The following PSMD8 variants were observed in gnomAD, a reference collection of about 807,000 sequenced individuals.
PSMD8 encodes the protein 26S proteasome non-ATPase regulatory subunit 8.
PSMD8 carries 30 observed loss-of-function variants against 40.0 expected under a neutral mutation model. The ratio of observed to expected loss-of-function variants is 0.75; its 90% confidence interval spans 0.56 to 1.02. The LOEUF is 1.02. PSMD8 is among the 50% of genes least tolerant of loss of function. The pLI, the probability that PSMD8 is intolerant of heterozygous loss-of-function variation, is 0.00. For missense variants in PSMD8, 461 were observed against 463.9 expected (o/e 0.99, Z 0.06); for synonymous variants, 208 against 192.5 (o/e 1.08, Z -0.67).
intron 4 of PSMD8, among the ~76,000 whole-genome samples, chr19:38,379,798 G>T (rs967064195): frequency 6.6e-6 from 1 of 152,210 alleles, no homozygotes; most frequent in Non-Finnish European, 1.5e-5. Context: ...AGGTGAAATT[G>T]GAGAAAGACT....
At position 38,383,601 on chromosome 19, in the gene PSMD8, T is replaced by A; in HGVS notation, c.*211T>A. On this transcript the variant is annotated 3_prime_UTR_variant, in exon 7 of 7. Coordinates refer to ENST00000215071, the MANE Select transcript of PSMD8 (RefSeq NM_002812.5). Reference sequence around the variant, plus strand: ...TAGCCTCCAACTGGGTCAGCCTCTGTCTGGTGGGCATTGCTCAGGGTCTCA... The same window carrying A: ...TAGCCTCCAACTGGGTCAGCCTCTGACTGGTGGGCATTGCTCAGGGTCTCA... The A allele has an allele frequency of 1.5e-6, 1 of 650,670 alleles. No homozygotes were observed. Among genetic ancestry groups the A allele is most frequent in the Non-Finnish European group, 2.6e-6 (1 of 390,472 alleles). The allele number at this position is 650,670 out of a possible 1,614,324, so 40.3% of individuals were successfully genotyped here.
intron 3 of PSMD8, 102 bp downstream of exon 3, chr19:38,376,556 C>A: frequency 1.9e-6 from 2 of 1,059,298 alleles, no homozygotes; most frequent in Non-Finnish European, 2.8e-6. Flanking sequence ...TCTGGGAACT[C>A]CTCCTGGCTT....
Position 38,374,748 on chromosome 19 carries a change from G to T in PSMD8, c.147G>T (p.Arg49=), listed in dbSNP as rs1381550002. 1 of 1,556,094 alleles carries T rather than the reference G, an allele frequency of 6.4e-7. No homozygotes were observed. The highest frequency in any genetic ancestry group is 2.4e-5 in the East Asian group (1 of 41,848). The change falls in exon 1 of 7, where the codon CGG becomes CGT. Residue 49 remains arginine, a synonymous_variant. Coordinates refer to ENST00000215071, the MANE Select transcript of PSMD8 (RefSeq NM_002812.5). ...TCCGCCGGGCAAGCGTTTGTAGGCG[G>T]CGCTGCCGTAAATCAGGCGGTCTGC... ...PHFRRASVCR[R]RCRKSGGLLA... is the part of the protein sequence containing the mutation.
intron 3 of PSMD8, among the ~76,000 whole-genome samples, chr19:38,377,477 G>A (rs1443028217): frequency 1.3e-5 from 2 of 150,746 alleles, no homozygotes; most frequent in Admixed American, 1.3e-4. Flanking sequence ...CAGGTGTTGA[G>A]TCATTGCATC....
At chr19:38,376,523 G>A in intron 3 of PSMD8, 69 bp downstream of exon 3, 1 of 1,328,206 alleles carries the variant, frequency 7.5e-7, no homozygotes, top group Admixed American at 2.0e-5. Flanking sequence ...TGGAGCTCTG[G>A]CTGCTTGGGT....
chr19:38,380,196 G>A (rs981743069), intron 4 of PSMD8, among the ~76,000 whole-genome samples: 3 of 152,182 alleles, frequency 2.0e-5, no homozygotes, highest in Non-Finnish European at 2.9e-5. Context: ...TGAGGCAGGA[G>A]AATCACTTGA....
Position 38,379,422 on chromosome 19 carries a change from C to A in PSMD8, c.702+17C>A, listed in dbSNP as rs746835546. 18 of 1,613,062 alleles carry A rather than the reference C, an allele frequency of 1.1e-5. No homozygotes were observed. The highest frequency in any genetic ancestry group is 1.5e-5 in the Non-Finnish European group (18 of 1,179,380). On this transcript the variant is annotated intron_variant, in intron 4 of 6. Transcript: ENST00000215071. The stretch of plus-strand genomic sequence containing the variant: ...CTGGAGCAAGTGAGATGGCAAGGGG[C>A]AGGGGAGGACCTGGCCAAAGTGGGT...
intron 6 of PSMD8, chr19:38,382,605 T>C: frequency 2.3e-6 from 1 of 428,056 alleles, no homozygotes; most frequent in South Asian, 4.3e-5. Flanking sequence ...GAAGGTGAAA[T>C]TGGGCTGGGT....
chr19:38,382,082 T>C, intron 5 of PSMD8, 35 bp from the exon 6 acceptor site: 4 of 1,493,516 alleles, frequency 2.7e-6, no homozygotes, highest in South Asian at 1.2e-5. Flanking sequence ...AGGTTGTTGA[T>C]GCTCAGTAAT....
At chr19:38,375,067 C>G in intron 1 of PSMD8, 106 bp downstream of exon 1, 1 of 1,481,252 alleles carries the variant, frequency 6.8e-7, no homozygotes, top group East Asian at 2.5e-5. Context: ...TCGGTGCCAG[C>G]GAGACTGAGG....
rs866084374 is a variant in PSMD8, at chr19:38,374,653, G to A, written c.52G>A (p.Ala18Thr). The A allele has an allele frequency of 7.9e-6, 12 of 1,517,158 alleles. No homozygotes were observed. The Admixed American group carries it at 1.2e-4, about 15-fold the overall frequency. 94.0% of individuals were successfully genotyped at this position (1,517,158 alleles called of 1,614,324 possible). Residue 18 changes from alanine to threonine, a missense_variant, in exon 1 of 7, where the codon GCT becomes ACT. Physicochemically the swap from Ala to Thr is moderately conservative, Grantham distance 58 (BLOSUM62 0). Coordinates refer to ENST00000215071, the MANE Select transcript of PSMD8 (RefSeq NM_002812.5). Reference protein sequence around the residue: ...PRAPPRERRRATRGGLRQVVA... With the variant: ...PRAPPRERRRTTRGGLRQVVA... ...GGCGCCACCTCGAGAGCGACGGCGG[G>A]CTACCCGGGGCGGGCTGAGGCAGGT... is the stretch of plus-strand genomic sequence containing the variant.
chr19:38,381,312 A>G (rs534246424), intron 5 of PSMD8: 6 of 234,502 alleles, frequency 2.6e-5, no homozygotes, highest in African/African-American at 1.1e-4. Flanking sequence ...ATACCCATCC[A>G]GTGAGTCATG....
At position 38,379,359 on chromosome 19, in the gene PSMD8, A is replaced by T; in HGVS notation, c.656A>T (p.Asp219Val). The T allele has an allele frequency of 1.2e-6, 2 of 1,614,040 alleles. No homozygotes were observed. Among genetic ancestry groups the T allele is most frequent in the Non-Finnish European group, 1.7e-6 (2 of 1,179,888 alleles). Reference protein sequence around the residue: ...HTELERLPAKDIQTNVYIKHP... With the variant: ...HTELERLPAKVIQTNVYIKHP... ...GAGTTGGAGCGGCTGCCTGCCAAGG[A>T]CATACAGACCAATGTCTACATCAAG... Residue 219 changes from aspartate to valine, a missense_variant, in exon 4 of 7, where the codon GAC (aspartate) becomes GTC (valine). Asp to Val is a radical substitution (Grantham distance 152). Around this residue, in one of 2 missense-constraint regions of PSMD8, gnomAD observed 236 missense variants for 321.2 expected, o/e 0.73. Transcript: ENST00000215071.
At chr19:38,376,492 G>T (rs1470086000) in intron 3 of PSMD8, 38 bp downstream of exon 3, 16 of 1,483,466 alleles carry the variant, frequency 1.1e-5, no homozygotes, top group Non-Finnish European at 1.5e-5. Context: ...GGGGGTGGTT[G>T]CATGGAAGCT....
Position 38,382,212 on chromosome 19 carries a change from C to A in PSMD8, c.899C>A (p.Thr300Lys). 6.3e-7 allele frequency: 1 copy of A among 1,591,538 alleles called. No individual in the cohort carries two copies. Among genetic ancestry groups the A allele is most frequent in the Non-Finnish European group, 8.6e-7 (1 of 1,169,472 alleles). Residue 300 changes from threonine to lysine, a missense_variant, in exon 6 of 7, where the codon ACA becomes AAA. Thr to Lys is a moderately conservative substitution (Grantham distance 78). Around this residue, in one of 2 missense-constraint regions of PSMD8, gnomAD observed 236 missense variants for 321.2 expected, o/e 0.73. Transcript: ENST00000215071. The part of the protein sequence containing the change: ...ILFFNTPKKM[T>K]DYAKKRGWVL... The stretch of plus-strand genomic sequence containing the variant: ...TTCTTCAACACACCCAAAAAGATGA[C>A]AGACTACGCCAAGAAGGTGGCTGGG...
At chr19:38,375,012 A>C in intron 1 of PSMD8, 51 bp downstream of exon 1, 2 of 1,533,948 alleles carry the variant, frequency 1.3e-6, no homozygotes, top group Non-Finnish European at 1.7e-6. Flanking sequence ...GGGAGGCGCT[A>C]CGAGGTGTCT....
In PSMD8 at chr19:38,374,585, G is replaced by T; in HGVS notation, c.-17G>T. The T allele has an allele frequency of 3.5e-6, 5 of 1,447,892 alleles. No individual in the cohort carries two copies. The highest frequency in any genetic ancestry group is 4.5e-6 in the Non-Finnish European group (5 of 1,103,992). 89.7% of individuals were successfully genotyped at this position (1,447,892 alleles called of 1,614,324 possible). ...GTCACCATCTTGAGTGACGACAGAG[G>T]CGGAGCTCCAACTGACATGTTCATT... On this transcript the variant is annotated 5_prime_UTR_variant, in exon 1 of 7. Transcript: ENST00000215071.
At chr19:38,379,826 T>G (rs1019212269) in intron 4 of PSMD8, among the ~76,000 whole-genome samples, 3 of 152,224 alleles carry the variant, frequency 2.0e-5, no homozygotes, top group African/African-American at 7.2e-5. Context: ...GGTGAGGAAC[T>G]GGCTTATGCC....
chr19:38,375,993 T>TG (rs1381268541), intron 1 of PSMD8, among the ~76,000 whole-genome samples, 167 bp from the exon 2 acceptor site: 1 of 152,214 alleles, frequency 6.6e-6, no homozygotes, highest in East Asian at 1.9e-4. Flanking sequence ...GGGCATGTGT[T>TG]GCGTGCTCAG....
Sources: gnomAD v4.1 joint callset for allele counts (sites outside exome capture counted in the v4.1 genomes callset) on GRCh38, gnomAD v4.1.1 for gene constraint, gnomAD v4.1.1 regional missense constraint, MANE v1.5 for transcripts, NCBI Gene and HGNC (gene_info 2026-07-23, HGNC 2026-07-21) for gene names.